SRBD1: variants seen among roughly 807,000 people sequenced by gnomAD.
SRBD1 encodes the protein S1 RNA-binding domain-containing protein 1.
Under a neutral mutation model 115.3 loss-of-function variants are expected in SRBD1, and 88 were observed. The observed-to-expected ratio is 0.76, with a 90% CI of 0.64 to 0.91. The LOEUF is 0.91. Among genes scored for constraint, SRBD1 ranks in the 40% least tolerant of loss-of-function variants. The pLI is 0.00. For missense variants in SRBD1, 1,385 were observed against 1,177.4 expected (o/e 1.18, Z -2.58); for synonymous variants, 509 against 407.7 (o/e 1.25, Z -2.99).
chr2:45,582,863 G>C (rs1210104642), intron 5 of SRBD1, among the ~76,000 whole-genome samples: 2 of 152,090 alleles, frequency 1.3e-5, no homozygotes, highest in Non-Finnish European at 2.9e-5. Context: ...TCACTGCTCA[G>C]GATGGGCACA....
At chr2:45,401,084 G>T (rs1013595850) in intron 19 of SRBD1, among the ~76,000 whole-genome samples, 3 of 152,116 alleles carry the variant, frequency 2.0e-5, no homozygotes, top group African/African-American at 7.2e-5. Flanking sequence ...TCATTTGTAA[G>T]GGCACTTTTG....
At chr2:45,524,597 G>A (rs1036356483) in intron 14 of SRBD1, among the ~76,000 whole-genome samples, 10 of 151,790 alleles carry the variant, frequency 6.6e-5, no homozygotes, top group South Asian at 2.1e-4. Flanking sequence ...AAGAAGTATC[G>A]AACTTATACT....
At chr2:45,546,413 A>G in intron 14 of SRBD1, 1 of 875,330 alleles carries the variant, frequency 1.1e-6, no homozygotes, top group Non-Finnish European at 1.4e-6. Flanking sequence ...CTAGCCTGGT[A>G]CATCATTCTA....
intron 18 of SRBD1, among the ~76,000 whole-genome samples, chr2:45,417,858 A>G (rs752058217): frequency 4.6e-5 from 7 of 152,130 alleles, no homozygotes; most frequent in Non-Finnish European, 1.0e-4. Flanking sequence ...AGTCCTTCCC[A>G]TTTGCTATGC....
In SRBD1 at chr2:45,500,277, CTCTG is replaced by C. The variant is rs201503740; in HGVS notation, c.1875-11950_1875-11947del. On this transcript the variant is annotated intron_variant, in intron 14 of 20. Coordinates refer to ENST00000263736, the MANE Select transcript of SRBD1 (RefSeq NM_018079.5). ...TTGGTTAAATTTATTCTGTGCATGT[CTCTG>C]TGTGTGTGTGTGTGTGTGTATGTGT... 7.2e-4 allele frequency among the ~76,000 whole-genome samples: 104 copies of C among 144,858 alleles called. 1 individual carries two copies. In the East Asian group the frequency reaches 0.021, roughly 29 times the overall value.
At chr2:45,441,709 T>C (rs1668674552) in intron 16 of SRBD1, among the ~76,000 whole-genome samples, 1 of 152,238 alleles carries the variant, frequency 6.6e-6, no homozygotes, top group Admixed American at 6.5e-5. Context: ...AGAAAAAGAA[T>C]TGCCCTAAAA....
chr2:45,530,361 T>C (rs1671574170), intron 14 of SRBD1, among the ~76,000 whole-genome samples: 2 of 152,042 alleles, frequency 1.3e-5, no homozygotes, highest in Non-Finnish European at 2.9e-5. Flanking sequence ...GGCCAATTCA[T>C]GTGCTATAAC....
In SRBD1 at chr2:45,419,844, T is replaced by A. The variant is rs781133798; in HGVS notation, c.2100A>T (p.Glu700Asp). The change falls in exon 17 of 21, where the codon GAA becomes GAT. Residue 700 changes from glutamate to aspartate, a missense_variant. Physicochemically the swap from Glu to Asp is conservative, Grantham distance 45. Coordinates refer to ENST00000263736, the MANE Select transcript of SRBD1 (RefSeq NM_018079.5). ...CCACTCCCACAAAGCTGACACATTC[T>A]TCTACAACACTGTCCAGTGTTGCCT... ...LLKATLDSVV[E>D]ECVSFVGVDI... 12 of 1,613,890 alleles carry A rather than the reference T, an allele frequency of 7.4e-6. No individual in the cohort carries two copies. The highest frequency in any genetic ancestry group is 8.5e-6 in the Non-Finnish European group (10 of 1,179,888).
intron 14 of SRBD1, among the ~76,000 whole-genome samples, chr2:45,492,014 G>A (rs1306594383): frequency 6.6e-6 from 1 of 152,064 alleles, no homozygotes; most frequent in African/African-American, 2.4e-5. Context: ...TAGAGACGGG[G>A]TTTTGCCGTG....
chr2:45,430,924 C>T (rs1668313064), intron 16 of SRBD1, among the ~76,000 whole-genome samples: 1 of 152,122 alleles, frequency 6.6e-6, no homozygotes, highest in East Asian at 1.9e-4. Context: ...CCAGAATCTA[C>T]AACGAACTTA....
At chr2:45,460,853 CAATCCAATTTTAA>C (rs1216193480) in intron 16 of SRBD1, among the ~76,000 whole-genome samples, 1 of 152,146 alleles carries the variant, frequency 6.6e-6, no homozygotes, top group Admixed American at 6.5e-5. Flanking sequence ...GTTATGCCTA[CAATCCAATTTTAA>C]AATGAAATTT....
chr2:45,405,939 C>G (rs1458224646), intron 19 of SRBD1, among the ~76,000 whole-genome samples: 1 of 151,966 alleles, frequency 6.6e-6, no homozygotes, highest in Non-Finnish European at 1.5e-5. Context: ...TAAAAGGTGG[C>G]CACAGCTTCT....
At chr2:45,600,617 G>A (rs1674062676) in intron 3 of SRBD1, among the ~76,000 whole-genome samples, 1 of 152,154 alleles carries the variant, frequency 6.6e-6, no homozygotes. Context: ...CCGCACAGCA[G>A]CCCACACAGG....
intron 16 of SRBD1, among the ~76,000 whole-genome samples, chr2:45,438,646 G>GAT (rs903759201): frequency 3.9e-5 from 6 of 151,960 alleles, no homozygotes; most frequent in African/African-American, 1.4e-4. Context: ...AACACGAAGA[G>GAT]AGATATGCAG....
intron 16 of SRBD1, among the ~76,000 whole-genome samples, chr2:45,450,438 C>T (rs2103740240): frequency 6.6e-6 from 1 of 152,188 alleles, no homozygotes; most frequent in South Asian, 2.1e-4. Context: ...AATGAATCTA[C>T]AGCTTTAGTA....
At chr2:45,545,283 TAAAAAAAAAAA>T (rs56909656) in intron 14 of SRBD1, among the ~76,000 whole-genome samples, 33,362 of 69,484 alleles carry the variant, frequency 0.48, 6,269 homozygotes, top group Middle Eastern at 0.65. Context: ...CTGTCTCAAT[TAAAAAAAAAAA>T]AAAAAAAAAA....
At chr2:45,436,247 A>G (rs1300521593) in intron 16 of SRBD1, among the ~76,000 whole-genome samples, 1 of 152,178 alleles carries the variant, frequency 6.6e-6, no homozygotes, top group African/African-American at 2.4e-5. Flanking sequence ...CTAAGAACAA[A>G]CGGGAAACAT....
chr2:45,419,854 C>G lies in SRBD1; in HGVS notation c.2090G>C (p.Ser697Thr). 6.2e-7 allele frequency: 1 copy of G among 1,613,776 alleles called. No individual in the cohort carries two copies. The highest frequency in any genetic ancestry group is 8.5e-7 in the Non-Finnish European group (1 of 1,179,866). Reference sequence around the variant, plus strand: ...AAAGCTGACACATTCTTCTACAACACTGTCCAGTGTTGCCTTGAGTAAAGT... The same window carrying G: ...AAAGCTGACACATTCTTCTACAACAGTGTCCAGTGTTGCCTTGAGTAAAGT... Reference protein sequence around the residue: ...SQTLLKATLDSVVEECVSFVG... With the variant: ...SQTLLKATLDTVVEECVSFVG... The change falls in exon 17 of 21, where the codon AGT becomes ACT. Residue 697 changes from serine (S) to threonine (T), a missense_variant. Transcript: ENST00000263736.
intron 9 of SRBD1, among the ~76,000 whole-genome samples, chr2:45,567,110 G>T (rs1672853183): frequency 6.6e-6 from 1 of 152,072 alleles, no homozygotes; most frequent in African/African-American, 2.4e-5. Context: ...TTCTCAATTT[G>T]TGCTTCATGT....
Sources: gnomAD v4.1 joint callset for allele counts (sites outside exome capture counted in the v4.1 genomes callset) on GRCh38, gnomAD v4.1.1 for gene constraint, MANE v1.5 for transcripts, NCBI Gene and HGNC (gene_info 2026-07-23, HGNC 2026-07-21) for gene names.